Variants in RALYL observed in about 807,000 individuals in gnomAD.
The protein encoded by RALYL is RNA-binding Raly-like protein.
Under a neutral mutation model 35.1 loss-of-function variants are expected in RALYL, and 29 were observed. The ratio of observed to expected loss-of-function variants is 0.83; its 90% confidence interval spans 0.61 to 1.13. RALYL has a LOEUF of 1.13. RALYL is among the 50% of genes most tolerant of loss of function. The pLI is 0.00. For missense variants in RALYL, 359 were observed against 360.4 expected, an observed-to-expected ratio of 1.00 and a Z score of 0.03; for synonymous variants, 120 against 127.6, an observed-to-expected ratio of 0.94 and a Z score of 0.40.
At chr8:84,767,020 G>C (rs548355592) in intron 2 of RALYL, among the ~76,000 whole-genome samples, 2 of 152,292 alleles carry the variant, frequency 1.3e-5, no homozygotes, top group African/African-American at 4.8e-5. Flanking sequence ...GTAGGTGCGA[G>C]GTGGGAGAGT....
intron 1 of RALYL, among the ~76,000 whole-genome samples, chr8:84,227,939 A>G (rs1457081249): frequency 6.6e-6 from 1 of 152,156 alleles, no homozygotes; most frequent in African/African-American, 2.4e-5. Context: ...ATCAGAATTT[A>G]AAAGACACCT....
At chr8:84,367,572 C>G (rs1379845765) in intron 1 of RALYL, among the ~76,000 whole-genome samples, 1 of 151,552 alleles carries the variant, frequency 6.6e-6, no homozygotes, top group African/African-American at 2.4e-5. Context: ...GGAAAAATCA[C>G]TATTTTTTCA....
chr8:84,467,207 C>G (rs866456095), intron 1 of RALYL, among the ~76,000 whole-genome samples: 1 of 152,022 alleles, frequency 6.6e-6, no homozygotes, highest in Admixed American at 6.6e-5. Context: ...TTTGCTCTTG[C>G]TTTTCTAATT....
chr8:84,810,491 C>A (rs1825670454), intron 4 of RALYL, among the ~76,000 whole-genome samples: 1 of 152,108 alleles, frequency 6.6e-6, no homozygotes, highest in Non-Finnish European at 1.5e-5. Flanking sequence ...CTGTATATAT[C>A]TGTTAAGACC....
At position 84,349,777 on chromosome 8, in the gene RALYL, A is replaced by T. The variant is rs373436134; in HGVS notation, c.-24+165353A>T. ...GAGATATGCTTAGAAGCATATCACA[A>T]GGCTGGCCTTATATGAACATGAGCC... On this transcript the variant is annotated intron_variant, in intron 1 of 8. Coordinates refer to ENST00000521268, the MANE Select transcript of RALYL (RefSeq NM_173848.7). 1.1e-3 allele frequency among the ~76,000 whole-genome samples: 165 copies of T among 150,536 alleles called. 6 individuals carry two copies. The South Asian group carries it at 0.033, about 30-fold the overall frequency.
chr8:84,692,287 T>C (rs773787801), intron 2 of RALYL, among the ~76,000 whole-genome samples: 3 of 151,948 alleles, frequency 2.0e-5, no homozygotes, highest in Non-Finnish European at 2.9e-5. Context: ...ATTGAACATA[T>C]AGAAAAATCA....
chr8:84,367,147 T>C (rs1224670675), intron 1 of RALYL, among the ~76,000 whole-genome samples: 2 of 147,736 alleles, frequency 1.4e-5, no homozygotes, highest in Non-Finnish European at 3.0e-5. Context: ...TTCTTTTTTT[T>C]TTTTTTGAGA....
chr8:84,230,570 C>T (rs536238783), intron 1 of RALYL, among the ~76,000 whole-genome samples: 1 of 152,104 alleles, frequency 6.6e-6, no homozygotes, highest in South Asian at 2.1e-4. Flanking sequence ...AACTTACTCT[C>T]TAGTTATTCT....
intron 2 of RALYL, among the ~76,000 whole-genome samples, chr8:84,745,296 A>G (rs185931340): frequency 1.3e-5 from 2 of 152,136 alleles, no homozygotes; most frequent in Admixed American, 6.6e-5. Context: ...TAGTATTTAT[A>G]TAGTTTTTAA....
intron 2 of RALYL, chr8:84,679,899 G>A (rs1310063972): frequency 8.8e-6 from 3 of 340,348 alleles, no homozygotes; most frequent in South Asian, 5.0e-5. Context: ...TGTGCACAAC[G>A]TGCAGGTTTG....
At chr8:84,410,731 C>T (rs2044015304) in intron 1 of RALYL, among the ~76,000 whole-genome samples, 1 of 151,578 alleles carries the variant, frequency 6.6e-6, no homozygotes, top group Non-Finnish European at 1.5e-5. Context: ...TAATACGAAA[C>T]ATTTTCTATG....
chr8:84,483,528 T>A (rs2133921787), intron 1 of RALYL, among the ~76,000 whole-genome samples: 1 of 152,266 alleles, frequency 6.6e-6, no homozygotes, highest in Middle Eastern at 3.4e-3. Flanking sequence ...GTTCTTTATT[T>A]AATAATAACA....
At chr8:84,848,166 A>T (rs1055644255) in intron 4 of RALYL, among the ~76,000 whole-genome samples, 3 of 152,178 alleles carry the variant, frequency 2.0e-5, no homozygotes, top group East Asian at 3.8e-4. Flanking sequence ...TACCTAAAAG[A>T]GATGAAATCA....
intron 8 of RALYL, among the ~76,000 whole-genome samples, chr8:84,896,250 T>C (rs1844728768): frequency 6.6e-6 from 1 of 152,190 alleles, no homozygotes; most frequent in South Asian, 2.1e-4. Flanking sequence ...ACATTAAAGT[T>C]GCAAGGACAA....
intron 2 of RALYL, among the ~76,000 whole-genome samples, chr8:84,668,637 G>A (rs1832561440): frequency 6.6e-6 from 1 of 151,850 alleles, no homozygotes; most frequent in Non-Finnish European, 1.5e-5. Context: ...TAAATAGAGA[G>A]GCATATATTA....
At chr8:84,391,761 A>G (rs1440666833) in intron 1 of RALYL, among the ~76,000 whole-genome samples, 1 of 152,078 alleles carries the variant, frequency 6.6e-6, no homozygotes, top group Non-Finnish European at 1.5e-5. Flanking sequence ...TAGCTAAAGT[A>G]GTACCTAGCT....
chr8:84,811,112 T>G (rs1178309119), intron 4 of RALYL, among the ~76,000 whole-genome samples: 1 of 152,098 alleles, frequency 6.6e-6, no homozygotes, highest in Non-Finnish European at 1.5e-5. Flanking sequence ...CTAGGTCCTG[T>G]GTGATTTATG....
intron 4 of RALYL, among the ~76,000 whole-genome samples, chr8:84,824,094 A>G (rs2134271698): frequency 6.6e-6 from 1 of 152,280 alleles, no homozygotes; most frequent in African/African-American, 2.4e-5. Flanking sequence ...AAGATTTTAT[A>G]CCTAGAATGC....
In RALYL at chr8:84,502,558, A is replaced by G. The variant is rs147700824; in HGVS notation, c.-23-26741A>G. On this transcript the variant is annotated intron_variant, in intron 1 of 8. Transcript: ENST00000521268. ...TAAACCTATAAAAAATAGAATAAAA[A>G]AGGTTTCTTTGTAAAAAGATGACTA... Among the ~76,000 whole-genome samples, 357 of 152,204 alleles carry G rather than the reference A, an allele frequency of 2.3e-3. 6 individuals are homozygous for G. Among genetic ancestry groups the G allele is most frequent in the Admixed American group, 0.017 (258 of 15,278 alleles).
Sources: allele counts gnomAD v4.1 joint callset (sites outside exome capture counted in the v4.1 genomes callset), GRCh38; gene constraint gnomAD v4.1.1; transcripts MANE v1.5; gene names NCBI Gene and HGNC (gene_info 2026-07-23, HGNC 2026-07-21).